TWSG1: variants seen among roughly 807,000 people sequenced by gnomAD.
TWSG1 encodes the protein twisted gastrulation BMP signaling modulator 1.
In TWSG1, 15 loss-of-function variants were observed where a neutral mutation model predicts 23.0. The ratio of observed to expected loss-of-function variants is 0.65; its 90% CI spans 0.44 to 1.00. The LOEUF (loss-of-function observed/expected upper bound fraction) is 1.00, where lower values mean the gene tolerates loss of function less well. Ranked by LOEUF, TWSG1 falls within the 50% of genes least tolerant of loss-of-function variation. The pLI is 0.00. For synonymous variants in TWSG1, 86 were observed against 92.8 expected (o/e 0.93, Z 0.42); for missense variants, 242 against 278.7 (o/e 0.87, Z 0.94).
Position 9,337,368 on chromosome 18 carries a change from C to G in TWSG1, c.123+16C>G. ...CCTCATTCAGGTAGGACTAAGAGTA[C>G]TTTTATTAATATCAAAATATATTGT... On this transcript the variant is annotated intron_variant, in intron 2 of 4. Transcript: ENST00000262120. 1 of 1,610,772 alleles carries G rather than the reference C, an allele frequency of 6.2e-7. No individual in the cohort carries two copies.
intron 2 of TWSG1, among the ~76,000 whole-genome samples, chr18:9,339,083 T>A (rs2040434677): frequency 6.6e-6 from 1 of 152,034 alleles, no homozygotes; most frequent in African/African-American, 2.4e-5. Context: ...TGTACACCTG[T>A]AGTCTCAGCT....
At chr18:9,341,531 C>G (rs1180126193) in intron 2 of TWSG1, among the ~76,000 whole-genome samples, 1 of 152,050 alleles carries the variant, frequency 6.6e-6, no homozygotes, top group Non-Finnish European at 1.5e-5. Flanking sequence ...TATGCTTGTA[C>G]TACTATTTCT....
intron 2 of TWSG1, among the ~76,000 whole-genome samples, chr18:9,357,516 A>G (rs1598824595): frequency 1.3e-5 from 2 of 152,198 alleles, no homozygotes; most frequent in East Asian, 3.8e-4. Context: ...TTTAGTAGGG[A>G]TAAATATTGT....
At chr18:9,357,751 T>G (rs11875065) in intron 2 of TWSG1, among the ~76,000 whole-genome samples, 18,572 of 152,136 alleles carry the variant, frequency 0.12, 1,348 homozygotes, top group Middle Eastern at 0.27. Context: ...TTCTTTAATT[T>G]TAAAAACTAG....
At chr18:9,369,279 T>G (rs909119782) in intron 3 of TWSG1, among the ~76,000 whole-genome samples, 1 of 152,138 alleles carries the variant, frequency 6.6e-6, no homozygotes, top group Admixed American at 6.5e-5. Context: ...CCTTTGCCCG[T>G]TTCTTTTGAG....
chr18:9,335,885 C>T (rs1351527404), intron 1 of TWSG1, among the ~76,000 whole-genome samples: 3 of 152,114 alleles, frequency 2.0e-5, no homozygotes, highest in Non-Finnish European at 4.4e-5. Context: ...CTATTTATCC[C>T]TCTTACGTCA....
In TWSG1 at chr18:9,385,033, C is replaced by T. The variant is rs184091151; in HGVS notation, c.224-11247C>T. 2.4e-3 allele frequency among the ~76,000 whole-genome samples: 367 copies of T among 152,248 alleles called. 4 individuals are homozygous for T. The highest frequency in any genetic ancestry group is 1.3e-3 in the Non-Finnish European group (87 of 68,018). Reference sequence around the variant, plus strand: ...GGGGTTATGGTGAGAGTATGAGTGACCTTTCCGGCTAAACCCCAAAGAGGC... The same window carrying T: ...GGGGTTATGGTGAGAGTATGAGTGATCTTTCCGGCTAAACCCCAAAGAGGC... On this transcript the variant is annotated intron_variant, in intron 3 of 4. Transcript: ENST00000262120.
intron 3 of TWSG1, among the ~76,000 whole-genome samples, chr18:9,392,776 TCTAA>T (rs1359181346): frequency 6.6e-6 from 1 of 152,202 alleles, no homozygotes; most frequent in Non-Finnish European, 1.5e-5. Context: ...GACAGACATT[TCTAA>T]CTTTTTTAAT....
chr18:9,368,947 C>CA (rs879284293), intron 3 of TWSG1, among the ~76,000 whole-genome samples: 70 of 127,764 alleles, frequency 5.5e-4, no homozygotes, highest in Non-Finnish European at 5.6e-4. Context: ...GACTCTGTCT[C>CA]AAAAAAAAAA....
At chr18:9,398,616 C>T (rs936765268) in intron 4 of TWSG1, among the ~76,000 whole-genome samples, 2 of 151,988 alleles carry the variant, frequency 1.3e-5, no homozygotes, top group Non-Finnish European at 2.9e-5. Flanking sequence ...CACCACCATG[C>T]CCGGTTAATT....
intron 3 of TWSG1, among the ~76,000 whole-genome samples, chr18:9,390,478 A>G (rs1018168468): frequency 1.3e-5 from 2 of 151,502 alleles, no homozygotes; most frequent in African/African-American, 4.8e-5. Flanking sequence ...TTCTTTTTTT[A>G]AATAGAGATG....
intron 3 of TWSG1, among the ~76,000 whole-genome samples, chr18:9,372,370 A>AAAAAT (rs58043835): frequency 0.98 from 145,581 of 148,314 alleles, 71,492 homozygotes; most frequent in Middle Eastern, 1. Context: ...GTAATAAAAT[A>AAAAAT]AAAATAAAAT....
At chr18:9,374,622 C>G (rs937841864) in intron 3 of TWSG1, among the ~76,000 whole-genome samples, 9 of 152,194 alleles carry the variant, frequency 5.9e-5, no homozygotes, top group African/African-American at 1.4e-4. Context: ...TACTAAGACT[C>G]TACAGTCTCT....
At position 9,340,367 on chromosome 18, in the gene TWSG1, CAAAAAAAAAA is replaced by C. The variant is rs775837207; in HGVS notation, c.123+3029_123+3038del. 1.0e-4 allele frequency among the ~76,000 whole-genome samples: 7 copies of C among 67,100 alleles called. No homozygotes were observed. In the East Asian group the frequency reaches 1.5e-3, roughly 14 times the overall value. 44.0% of individuals were successfully genotyped at this position (67,100 alleles called of 152,430 possible). A position where few individuals can be genotyped will look rare whatever the true frequency, so the allele number is the denominator to read the frequency against. The stretch of plus-strand genomic sequence containing the variant: ...TGGGCGACAGAGCAAGACTCCATTT[CAAAAAAAAAA>C]AAAAAAAAAAAAAGAAAAGATCTAG... On this transcript the variant is annotated intron_variant, in intron 2 of 4. Coordinates refer to ENST00000262120, the MANE Select transcript of TWSG1 (RefSeq NM_020648.6).
chr18:9,361,432 C>A (rs2040551895), intron 3 of TWSG1, among the ~76,000 whole-genome samples: 1 of 152,194 alleles, frequency 6.6e-6, no homozygotes, highest in Admixed American at 6.5e-5. Context: ...AATTTAGGTA[C>A]TCCAAAACGG....
At chr18:9,347,091 G>A (rs919121687) in intron 2 of TWSG1, among the ~76,000 whole-genome samples, 4 of 152,130 alleles carry the variant, frequency 2.6e-5, no homozygotes, top group South Asian at 2.1e-4. Context: ...GATGGAGAGC[G>A]TCTTATACTT....
At chr18:9,350,300 A>G (rs932109144) in intron 2 of TWSG1, among the ~76,000 whole-genome samples, 3 of 152,214 alleles carry the variant, frequency 2.0e-5, no homozygotes, top group Non-Finnish European at 2.9e-5. Flanking sequence ...TAATGCAGTT[A>G]TAGTAGCTGC....
rs13285 is a variant in TWSG1 at position 9,400,424 on chromosome 18, T to C, written c.*897T>C. ...TTGTACCCTGGTAGGGAAATGGTGT[T>C]GCTGAAAGGGGAGGCTGAGCCAGTG... On this transcript the variant is annotated 3_prime_UTR_variant, in exon 5 of 5. Coordinates refer to ENST00000262120, the MANE Select transcript of TWSG1 (RefSeq NM_020648.6). The C allele has an allele frequency of 0.51, 77,752 of 151,900 alleles. 20,590 individuals carry two copies. Among genetic ancestry groups the C allele is most frequent in the African/African-American group, 0.64 (26,626 of 41,396 alleles). 9.4% of individuals were successfully genotyped at this position (151,900 alleles called of 1,614,324 possible).
chr18:9,352,355 C>G (rs1297416257), intron 2 of TWSG1, among the ~76,000 whole-genome samples: 1 of 152,082 alleles, frequency 6.6e-6, no homozygotes, highest in East Asian at 1.9e-4. Context: ...TGCGTGGTTT[C>G]CAGTTTTCAG....
Sources: allele counts gnomAD v4.1 joint callset (sites outside exome capture counted in the v4.1 genomes callset), GRCh38; gene constraint gnomAD v4.1.1; transcripts MANE v1.5; gene names NCBI Gene and HGNC (gene_info 2026-07-23, HGNC 2026-07-21).